The following CAMK1D variants were observed in gnomAD, a reference collection of about 807,000 sequenced individuals.
The protein encoded by CAMK1D is calcium/calmodulin-dependent protein kinase type 1D.
Under a neutral mutation model 47.7 loss-of-function variants are expected in CAMK1D, and 9 were observed. The ratio of observed to expected loss-of-function variants is 0.19; its 90% CI spans 0.11 to 0.33. The LOEUF (loss-of-function observed/expected upper bound fraction) is 0.33. Among genes scored for constraint, CAMK1D ranks in the 10% least tolerant of loss-of-function variants. The pLI, the probability that CAMK1D is intolerant of heterozygous loss-of-function variation, is 1.00. For synonymous variants in CAMK1D, 184 were observed against 184.9 expected, an observed-to-expected ratio of 0.99 and a Z score of 0.04; for missense variants, 291 against 488.7, an observed-to-expected ratio of 0.60 and a Z score of 3.81.
At chr10:12,749,802 C>G (rs1835864963) in intron 3 of CAMK1D, among the ~76,000 whole-genome samples, 1 of 151,098 alleles carries the variant, frequency 6.6e-6, no homozygotes, top group Non-Finnish European at 1.5e-5. Context: ...GTTGGCCAGG[C>G]TGGTCTCAAA....
intron 1 of CAMK1D, among the ~76,000 whole-genome samples, chr10:12,405,225 C>A (rs1839376462): frequency 6.6e-6 from 1 of 152,160 alleles, no homozygotes; most frequent in East Asian, 1.9e-4. Context: ...CTGGGGGTTT[C>A]CACAGCTGGC....
intron 2 of CAMK1D, among the ~76,000 whole-genome samples, chr10:12,633,644 C>T (rs1048110822): frequency 3.3e-5 from 5 of 152,024 alleles, no homozygotes; most frequent in African/African-American, 4.8e-5. Flanking sequence ...GCAGCCTCAA[C>T]CTCCTGGGCT....
Position 12,829,177 on chromosome 10 carries a change from CA to C in CAMK1D, c.*291del. 3.6e-6 allele frequency: 1 copy of C among 279,046 alleles called. No homozygotes were observed. Among genetic ancestry groups the C allele is most frequent in the South Asian group, 9.3e-5 (1 of 10,782 alleles). The allele number at this position is 279,046 out of a possible 1,614,324, so 17.3% of individuals were successfully genotyped here. A position where few individuals can be genotyped will look rare whatever the true frequency, so the allele number is the denominator to read the frequency against. ...CCTTCTTATTCCTCTCCCCTAACACCATCGTTTCCACTCTTCTCAGTGTAGG... is the reference window on the plus strand; with the variant it reads ...CCTTCTTATTCCTCTCCCCTAACACCTCGTTTCCACTCTTCTCAGTGTAGG... On this transcript the variant is annotated 3_prime_UTR_variant, in exon 11 of 11. Transcript: ENST00000619168.
chr10:12,580,287 A>G (rs1030921955), intron 2 of CAMK1D, among the ~76,000 whole-genome samples: 1 of 150,830 alleles, frequency 6.6e-6, no homozygotes, highest in Non-Finnish European at 1.5e-5. Flanking sequence ...TTGGGCATCT[A>G]GGCTGTACCA....
At chr10:12,512,287 T>C (rs1588572477) in intron 1 of CAMK1D, among the ~76,000 whole-genome samples, 2 of 152,358 alleles carry the variant, frequency 1.3e-5, no homozygotes, top group Admixed American at 1.3e-4. Context: ...TTTTAGGAAT[T>C]CTGATTCGTT....
At position 12,825,835 on chromosome 10, in the gene CAMK1D, T is replaced by C. The variant is rs150577361; in HGVS notation, c.1039+145T>C. The C allele has an allele frequency of 2.6e-4, 355 of 1,389,600 alleles. 2 individuals are homozygous for C. The highest frequency in any genetic ancestry group is 2.5e-4 in the Non-Finnish European group (255 of 1,023,864). 86.1% of individuals were successfully genotyped at this position (1,389,600 alleles called of 1,614,324 possible). A position where few individuals can be genotyped will look rare whatever the true frequency, so the allele number is the denominator to read the frequency against. The stretch of plus-strand genomic sequence containing the variant: ...CCCATGTCATGCGACCCTAGGACTT[T>C]TTTTAACATGTAATCACTGGGCTGG... On this transcript the variant is annotated intron_variant, in intron 10 of 10. Transcript: ENST00000619168.
chr10:12,811,860 A>G (rs1451566173), intron 6 of CAMK1D, among the ~76,000 whole-genome samples: 4 of 152,228 alleles, frequency 2.6e-5, no homozygotes, highest in Admixed American at 6.5e-5. Context: ...GGAGAAATGG[A>G]CAGACCCATC....
At chr10:12,365,990 A>C (rs1202221202) in intron 1 of CAMK1D, among the ~76,000 whole-genome samples, 1 of 152,182 alleles carries the variant, frequency 6.6e-6, no homozygotes, top group Non-Finnish European at 1.5e-5. Flanking sequence ...TGGGAGCCGG[A>C]GGCTGCAGTG....
rs1436437874 is a variant in CAMK1D, at chr10:12,520,073, C to A, written c.93-33152C>A. Among the ~76,000 whole-genome samples, 22 of 78,784 alleles carry A rather than the reference C, an allele frequency of 2.8e-4. 6 individuals carry two copies. The highest frequency in any genetic ancestry group is 5.9e-4 in the Admixed American group (5 of 8,522). 51.7% of individuals were successfully genotyped at this position (78,784 alleles called of 152,430 possible). A position where few individuals can be genotyped will look rare whatever the true frequency, so the allele number is the denominator to read the frequency against. On this transcript the variant is annotated intron_variant, in intron 1 of 10. Coordinates refer to ENST00000619168, the MANE Select transcript of CAMK1D (RefSeq NM_153498.4). ...CGGCTGGCCGGGTGGGGGGCTGACC[C>A]CCCCCCACCTCCCTCCCGGACGGGG... is the stretch of plus-strand genomic sequence containing the variant.
At chr10:12,562,707 GCCCTTCCCTCTGAGATTCCACGGCA>G (rs1311685196) in intron 2 of CAMK1D, among the ~76,000 whole-genome samples, 2 of 152,122 alleles carry the variant, frequency 1.3e-5, no homozygotes, top group African/African-American at 4.8e-5. Context: ...GTCTGGATGG[GCCCTTCCCTCTGAGATTCCACGGCA>G]CCAAGGTTTG....
At chr10:12,399,216 T>A (rs113040483) in intron 1 of CAMK1D, among the ~76,000 whole-genome samples, 1,682 of 152,100 alleles carry the variant, frequency 0.011, 30 homozygotes, top group African/African-American at 0.038. Flanking sequence ...AAGATAAAAG[T>A]TGAGGGCCGG....
rs538748835 is a variant in CAMK1D, at chr10:12,438,201, G to A, written c.92+88291G>A. Among the ~76,000 whole-genome samples, 7 of 152,308 alleles carry A rather than the reference G, an allele frequency of 4.6e-5. No homozygotes were observed. The East Asian group carries it at 1.2e-3, about 25-fold the overall frequency. ...CACACCTCATGATGGACCATGCTTG[G>A]CAAAGTGCAATTCAGGTGTCTGAAG... On this transcript the variant is annotated intron_variant, in intron 1 of 10. Coordinates refer to ENST00000619168, the MANE Select transcript of CAMK1D (RefSeq NM_153498.4).
At chr10:12,457,071 T>C (rs1833272724) in intron 1 of CAMK1D, among the ~76,000 whole-genome samples, 1 of 152,132 alleles carries the variant, frequency 6.6e-6, no homozygotes, top group Non-Finnish European at 1.5e-5. Context: ...TGGAACGCTA[T>C]GCAGCTGTTA....
chr10:12,479,471 T>C (rs1833999841), intron 1 of CAMK1D, among the ~76,000 whole-genome samples: 1 of 152,162 alleles, frequency 6.6e-6, no homozygotes, highest in Non-Finnish European at 1.5e-5. Context: ...GCTGGGATTA[T>C]AGGCGCCAGC....
chr10:12,403,590 T>C (rs1188006380), intron 1 of CAMK1D, among the ~76,000 whole-genome samples: 1 of 152,094 alleles, frequency 6.6e-6, no homozygotes, highest in Non-Finnish European at 1.5e-5. Context: ...GCAGAATTGG[T>C]TTTTTAGGTG....
intron 2 of CAMK1D, among the ~76,000 whole-genome samples, chr10:12,641,730 T>C (rs1479479884): frequency 3.3e-5 from 5 of 151,898 alleles, no homozygotes; most frequent in African/African-American, 1.2e-4. Flanking sequence ...ACTGAAGAGA[T>C]GAGTGTTCAA....
At chr10:12,761,435 C>T (rs1588896023) in intron 4 of CAMK1D, among the ~76,000 whole-genome samples, 1 of 152,074 alleles carries the variant, frequency 6.6e-6, no homozygotes, top group Admixed American at 6.5e-5. Context: ...GGTGCAGTTC[C>T]GCAGCACCTT....
chr10:12,468,527 G>A (rs1285438523), intron 1 of CAMK1D, among the ~76,000 whole-genome samples: 1 of 152,326 alleles, frequency 6.6e-6, no homozygotes, highest in Admixed American at 6.5e-5. Context: ...TGGAATGATT[G>A]GGGGTGTCCC....
chr10:12,706,670 G>A (rs987439746), intron 3 of CAMK1D, among the ~76,000 whole-genome samples: 1 of 151,896 alleles, frequency 6.6e-6, no homozygotes, highest in Non-Finnish European at 1.5e-5. Flanking sequence ...GAGTCTGGGA[G>A]GCAGAGATTA....
Sources: allele counts gnomAD v4.1 joint callset (sites outside exome capture counted in the v4.1 genomes callset), GRCh38; gene constraint gnomAD v4.1.1; transcripts MANE v1.5; gene names NCBI Gene and HGNC (gene_info 2026-07-23, HGNC 2026-07-21).